The following BLTP3A variants were observed in gnomAD, a reference collection of about 807,000 sequenced individuals.
BLTP3A encodes bridge-like lipid transfer protein family member 3A.
chr6:34,811,705 A>G, the BLTP3A span, among the ~76,000 whole-genome samples: 1 of 139,366 alleles, frequency 7.2e-6, no homozygotes, highest in Non-Finnish European at 1.6e-5. Flanking sequence ...CTAAAAATAC[A>G]AAAATTTGCC....
the BLTP3A span, among the ~76,000 whole-genome samples, chr6:34,825,919 C>T: frequency 6.6e-6 from 1 of 151,736 alleles, no homozygotes; most frequent in Non-Finnish European, 1.5e-5. Context: ...TTTTCTTTCT[C>T]TTGGGTAAAT....
the BLTP3A span, among the ~76,000 whole-genome samples, chr6:34,849,302 C>T: frequency 0.017 from 2,580 of 151,888 alleles, 33 homozygotes; most frequent in Non-Finnish European, 0.028. Flanking sequence ...TAATTATAGG[C>T]GTGAGCCACT....
chr6:34,865,885 C>T, the BLTP3A span, among the ~76,000 whole-genome samples: 1 of 152,186 alleles, frequency 6.6e-6, no homozygotes, highest in African/African-American at 2.4e-5. Context: ...ATAATGAACC[C>T]TCATACACCC....
the BLTP3A span, chr6:34,864,057 G>C: frequency 6.2e-7 from 1 of 1,613,898 alleles, no homozygotes; most frequent in Non-Finnish European, 8.5e-7. Context: ...TGGAGGTGCT[G>C]CACGACTCCG....
chr6:34,832,279 T>A, the BLTP3A span, among the ~76,000 whole-genome samples: 1 of 151,206 alleles, frequency 6.6e-6, no homozygotes, highest in African/African-American at 2.4e-5. Flanking sequence ...CACCACTGTA[T>A]CTGGCTAATT....
chr6:34,871,972 T>C, the BLTP3A span: 1 of 1,575,064 alleles, frequency 6.3e-7, no homozygotes, highest in Non-Finnish European at 8.7e-7. Flanking sequence ...TTGGGGGCTA[T>C]ACTTGTGAAA....
At chr6:34,876,162 C>G in the BLTP3A span, 1 of 152,652 alleles carries the variant, frequency 6.6e-6, no homozygotes, top group Admixed American at 6.5e-5. Context: ...CTGTTTTCAA[C>G]TCACTGGAAT....
At chr6:34,862,836 A>AG in the BLTP3A span, among the ~76,000 whole-genome samples, 11 of 151,284 alleles carry the variant, frequency 7.3e-5, no homozygotes, top group Non-Finnish European at 1.5e-4. Flanking sequence ...TCCATCTCAA[A>AG]AAAAAAAAAA....
At chr6:34,835,530 A>G in the BLTP3A span, 1 of 1,510,254 alleles carries the variant, frequency 6.6e-7, no homozygotes. Context: ...AACTCATACT[A>G]ATGTAGGTGG....
chr6:34,858,573 A>C, the BLTP3A span: 4 of 1,614,138 alleles, frequency 2.5e-6, no homozygotes, highest in South Asian at 4.4e-5. Context: ...AAGCCCAGGC[A>C]CGGAAGCTTC....
chr6:34,862,934 A>G, the BLTP3A span, among the ~76,000 whole-genome samples: 14 of 150,708 alleles, frequency 9.3e-5, no homozygotes, highest in African/African-American at 3.2e-4. Context: ...ATTGAGATGA[A>G]GTCTCACTCT....
chr6:34,840,497 T>C, the BLTP3A span, among the ~76,000 whole-genome samples: 82 of 149,218 alleles, frequency 5.5e-4, no homozygotes, highest in South Asian at 8.6e-4. Flanking sequence ...ACCCAGGAGG[T>C]GGAGGTTGCA....
At chr6:34,871,675 G>C in the BLTP3A span, 1 of 1,614,234 alleles carries the variant, frequency 6.2e-7, no homozygotes, top group Admixed American at 1.7e-5. Context: ...AGTGATGATG[G>C]TGTGTTCCAC....
the BLTP3A span, among the ~76,000 whole-genome samples, chr6:34,868,317 T>C: frequency 6.7e-6 from 1 of 149,020 alleles, no homozygotes; most frequent in Non-Finnish European, 1.5e-5. Flanking sequence ...AAAAAATATA[T>C]ATATATAAAT....
the BLTP3A span, among the ~76,000 whole-genome samples, chr6:34,811,310 G>A: frequency 6.6e-6 from 1 of 152,180 alleles, no homozygotes; most frequent in Non-Finnish European, 1.5e-5. Flanking sequence ...AAAAGACCTA[G>A]AATGGTCAGA....
the BLTP3A span, chr6:34,835,277 G>A: frequency 6.2e-7 from 1 of 1,612,854 alleles, no homozygotes; most frequent in South Asian, 1.1e-5. Flanking sequence ...ACCCCATGTT[G>A]TCTGTGGCTT....
chr6:34,863,925 G>A, the BLTP3A span: 6 of 1,373,374 alleles, frequency 4.4e-6, no homozygotes, highest in African/African-American at 7.3e-5. Context: ...AGCTGAAAGG[G>A]ATGGGTATTG....
chr6:34,874,791 A>G, the BLTP3A span: 2 of 152,374 alleles, frequency 1.3e-5, no homozygotes, highest in African/African-American at 4.8e-5. Context: ...AACAGAGAAC[A>G]GCACTTTATA....
chr6:34,814,272 C>T, the BLTP3A span, among the ~76,000 whole-genome samples: 9,887 of 152,260 alleles, frequency 0.065, 533 homozygotes, highest in East Asian at 0.33. Flanking sequence ...GCCTTGGCCT[C>T]CCAAACTACT....
Sources: allele counts gnomAD v4.1 joint callset (sites outside exome capture counted in the v4.1 genomes callset), GRCh38; gene constraint gnomAD v4.1.1; transcripts MANE v1.5; gene names NCBI Gene and HGNC (gene_info 2026-07-23, HGNC 2026-07-21).